MSANTD3: variants seen among roughly 807,000 people sequenced by gnomAD.
MSANTD3 encodes the protein myb/SANT-like DNA-binding domain-containing protein 3.
A neutral mutation model predicts 27.7 loss-of-function variants in MSANTD3; 11 were observed. The ratio of observed to expected loss-of-function variants is 0.40; its 90% confidence interval spans 0.25 to 0.66. MSANTD3 has a LOEUF of 0.66. MSANTD3 is among the 30% of genes least tolerant of loss of function. The pLI is 0.41. For synonymous variants in MSANTD3, 131 were observed against 127.2 expected (o/e 1.03, Z -0.20); for missense variants, 250 against 336.5 (o/e 0.74, Z 2.01).
intron 1 of MSANTD3, among the ~76,000 whole-genome samples, chr9:100,439,790 A>G (rs1282854958): frequency 6.6e-6 from 1 of 151,452 alleles, no homozygotes; most frequent in Admixed American, 6.6e-5. Flanking sequence ...AAGTCCTGGG[A>G]TTACAGGTGT....
Position 100,451,030 on chromosome 9 carries a change from TGGC to T in MSANTD3, c.*67_*69del. 1 of 1,480,056 alleles carries T rather than the reference TGGC, an allele frequency of 6.8e-7. No homozygotes were observed. Among genetic ancestry groups the T allele is most frequent in the South Asian group, 1.4e-5 (1 of 73,640 alleles). 91.7% of individuals were successfully genotyped at this position (1,480,056 alleles called of 1,614,324 possible). ...GCAAAGAATGTCTGGAACATGGACT[TGGC>T]GGTCAGTAACCTGTAACAGAGCTAC... is the stretch of plus-strand genomic sequence containing the variant. On this transcript the variant is annotated 3_prime_UTR_variant, in exon 3 of 3. Coordinates refer to ENST00000395067, the MANE Select transcript of MSANTD3 (RefSeq NM_080655.3).
At chr9:100,428,168 C>T (rs937325731) in intron 1 of MSANTD3, among the ~76,000 whole-genome samples, 1 of 152,170 alleles carries the variant, frequency 6.6e-6, no homozygotes, top group Non-Finnish European at 1.5e-5. Flanking sequence ...AGAATTTAGT[C>T]TCCCTATTCC....
intron 2 of MSANTD3, among the ~76,000 whole-genome samples, chr9:100,446,733 G>A (rs1210187969): frequency 6.6e-5 from 10 of 151,800 alleles, no homozygotes; most frequent in Non-Finnish European, 1.5e-4. Flanking sequence ...AGGCTGAGAC[G>A]GGAGAATTGC....
At chr9:100,436,777 G>A (rs1836486991) in intron 1 of MSANTD3, among the ~76,000 whole-genome samples, 1 of 152,046 alleles carries the variant, frequency 6.6e-6, no homozygotes. Context: ...CCATGTTAAA[G>A]CTCCAAAAGA....
At chr9:100,436,564 A>C (rs575386439) in intron 1 of MSANTD3, among the ~76,000 whole-genome samples, 1 of 152,316 alleles carries the variant, frequency 6.6e-6, no homozygotes, top group East Asian at 1.9e-4. Context: ...ATCCCTAATA[A>C]AAGTTGATGC....
intron 1 of MSANTD3, among the ~76,000 whole-genome samples, chr9:100,440,778 C>A (rs77254007): frequency 8.5e-6 from 1 of 118,078 alleles, no homozygotes; most frequent in Non-Finnish European, 1.7e-5. Context: ...TCTTTTTCTT[C>A]CCTTTTTTTT....
intron 1 of MSANTD3, among the ~76,000 whole-genome samples, chr9:100,432,800 C>T (rs1388139583): frequency 1.3e-5 from 2 of 152,228 alleles, no homozygotes; most frequent in African/African-American, 2.4e-5. Flanking sequence ...CCAGTAGCTC[C>T]ACCAGTCTCA....
rs1371189827 is a variant in MSANTD3 at position 100,437,256 on chromosome 9, A to G, written c.-33-4650A>G. On this transcript the variant is annotated intron_variant, in intron 1 of 2. Transcript: ENST00000395067. ...AAATGAGTGGGGGAAGAGCCAACAG[A>G]TGGAGACACACTCCACCTAAATTGC... Among the ~76,000 whole-genome samples, 3 of 152,170 alleles carry G rather than the reference A, an allele frequency of 2.0e-5. No homozygotes were observed. The East Asian group carries it at 5.8e-4, about 29-fold the overall frequency.
At chr9:100,449,010 T>C (rs750663097) in intron 2 of MSANTD3, 30 of 985,236 alleles carry the variant, frequency 3.0e-5, no homozygotes, top group South Asian at 4.7e-5. Context: ...CCAGTACCCA[T>C]GAACATTCCC....
intron 2 of MSANTD3, chr9:100,449,167 A>G (rs1475485761): frequency 2.7e-5 from 27 of 985,080 alleles, no homozygotes; most frequent in Non-Finnish European, 3.1e-5. Context: ...CAGCTACAAG[A>G]CTCCATGGGT....
intron 2 of MSANTD3, among the ~76,000 whole-genome samples, chr9:100,443,785 A>G (rs566127861): frequency 6.6e-6 from 1 of 152,334 alleles, no homozygotes; most frequent in East Asian, 1.9e-4. Context: ...GCTTCTTTTC[A>G]GACAGGAAGT....
At chr9:100,447,791 C>G (rs1300511753) in intron 2 of MSANTD3, among the ~76,000 whole-genome samples, 7 of 152,294 alleles carry the variant, frequency 4.6e-5, no homozygotes, top group Admixed American at 1.3e-4. Flanking sequence ...AGCCTAGGAC[C>G]TAGTTAGCTG....
At chr9:100,446,244 A>G (rs947290554) in intron 2 of MSANTD3, among the ~76,000 whole-genome samples, 2 of 152,198 alleles carry the variant, frequency 1.3e-5, no homozygotes, top group African/African-American at 4.8e-5. Flanking sequence ...TTACTGTTCA[A>G]TCCTAATCTT....
intron 2 of MSANTD3, among the ~76,000 whole-genome samples, chr9:100,447,629 T>C (rs1836785859): frequency 6.6e-6 from 1 of 152,180 alleles, no homozygotes; most frequent in Non-Finnish European, 1.5e-5. Context: ...AGGCTGATTA[T>C]TGTAGTGGTT....
At chr9:100,445,576 G>A (rs1836734861) in intron 2 of MSANTD3, among the ~76,000 whole-genome samples, 1 of 151,752 alleles carries the variant, frequency 6.6e-6, no homozygotes, top group Admixed American at 6.6e-5. Context: ...TTCTAATGTT[G>A]CTCTGAGGAT....
At chr9:100,439,197 C>T (rs567586329) in intron 1 of MSANTD3, among the ~76,000 whole-genome samples, 2 of 152,140 alleles carry the variant, frequency 1.3e-5, no homozygotes, top group East Asian at 1.9e-4. Context: ...CACTCCTTGG[C>T]GTCAATTTGA....
At chr9:100,430,861 G>A (rs61386923) in intron 1 of MSANTD3, among the ~76,000 whole-genome samples, 22,553 of 152,190 alleles carry the variant, frequency 0.15, 1,878 homozygotes, top group Middle Eastern at 0.21. Flanking sequence ...GCTATGGAGA[G>A]TTGGAGTTTT....
intron 2 of MSANTD3, among the ~76,000 whole-genome samples, chr9:100,442,765 C>CAT: frequency 6.8e-6 from 1 of 146,860 alleles, no homozygotes; most frequent in Admixed American, 6.9e-5. Flanking sequence ...GCTGTTATTG[C>CAT]GCCACTGCAC....
At chr9:100,440,146 T>C (rs888897931) in intron 1 of MSANTD3, among the ~76,000 whole-genome samples, 3 of 152,194 alleles carry the variant, frequency 2.0e-5, no homozygotes, top group Non-Finnish European at 4.4e-5. Context: ...TAAGCACCTG[T>C]TGTGTGAAAC....
Sources: gnomAD v4.1 joint callset for allele counts (sites outside exome capture counted in the v4.1 genomes callset) on GRCh38, gnomAD v4.1.1 for gene constraint, MANE v1.5 for transcripts, NCBI Gene and HGNC (gene_info 2026-07-23, HGNC 2026-07-21) for gene names.